The following NFAT5 variants were observed in gnomAD, a reference collection of about 807,000 sequenced individuals.
The protein encoded by NFAT5 is nuclear factor of activated T cells 5.
A neutral mutation model predicts 166.5 loss-of-function variants in NFAT5; 31 were observed. The observed-to-expected ratio is 0.19, with a 90% CI of 0.14 to 0.25. NFAT5 has a LOEUF of 0.25. NFAT5 is among the 10% of genes least tolerant of loss of function. NFAT5 has a pLI of 1.00. For missense variants in NFAT5, 1,449 were observed against 1,821.8 expected, an observed-to-expected ratio of 0.80 and a Z score of 3.72; for synonymous variants, 612 against 639.7, an observed-to-expected ratio of 0.96 and a Z score of 0.65.
rs921959842 is a variant in NFAT5, at chr16:69,648,181, A to AAC, written c.812+596_812+597insCA. ...ACAAGAGCGAAACTCCATCTCAAAAAAAAAAAAACACCAAAAAAAAAACCG... is the reference window on the plus strand; with the variant it reads ...ACAAGAGCGAAACTCCATCTCAAAAAACAAAAAAAACACCAAAAAAAAAACCG... On this transcript the variant is annotated intron_variant, in intron 4 of 14. Transcript: ENST00000349945. 7.1e-6 allele frequency: 7 copies of AAC among 982,684 alleles called. No individual in the cohort carries two copies. The African/African-American group carries it at 1.2e-4, about 17-fold the overall frequency. The allele number at this position is 982,684 out of a possible 1,614,324, so 60.9% of individuals were successfully genotyped here.
At chr16:69,582,120 C>A (rs1185104247) in intron 2 of NFAT5, among the ~76,000 whole-genome samples, 1 of 151,976 alleles carries the variant, frequency 6.6e-6, no homozygotes, top group African/African-American at 2.4e-5. Context: ...TAAAAATTAG[C>A]CAGGTGTGGT....
chr16:69,626,745 C>G (rs993596334), intron 3 of NFAT5, among the ~76,000 whole-genome samples: 3 of 152,062 alleles, frequency 2.0e-5, no homozygotes, highest in Non-Finnish European at 2.9e-5. Flanking sequence ...TCTATAAATG[C>G]CATTTCCTAA....
intron 10 of NFAT5, among the ~76,000 whole-genome samples, chr16:69,682,589 A>T (rs1462110582): frequency 6.6e-6 from 1 of 152,192 alleles, no homozygotes; most frequent in Non-Finnish European, 1.5e-5. Flanking sequence ...AATGTACTCC[A>T]GCCTGGACAA....
At chr16:69,662,450 C>CTTTTTTTTT (rs539200298) in intron 7 of NFAT5, among the ~76,000 whole-genome samples, 3 of 96,996 alleles carry the variant, frequency 3.1e-5, no homozygotes, top group Non-Finnish European at 4.0e-5. Flanking sequence ...ACACCTCTTT[C>CTTTTTTTTT]TTTTTTTTTT....
Position 69,648,371 on chromosome 16 carries a change from G to A in NFAT5, c.812+785G>A, listed in dbSNP as rs369643277. 9 of 981,852 alleles carry A rather than the reference G, an allele frequency of 9.2e-6. No homozygotes were observed. The African/African-American group carries it at 1.4e-4, about 15-fold the overall frequency. The allele number at this position is 981,852 out of a possible 1,614,324, so 60.8% of individuals were successfully genotyped here. On this transcript the variant is annotated intron_variant, in intron 4 of 14. Transcript: ENST00000349945. Reference sequence around the variant, plus strand: ...AAAACAAGAAAAAACTAAATTGAGAGTTTGATTCTCATCATTTAGATTCAT... The same window carrying A: ...AAAACAAGAAAAAACTAAATTGAGAATTTGATTCTCATCATTTAGATTCAT...
At chr16:69,664,487 G>A (rs1027786683) in intron 7 of NFAT5, among the ~76,000 whole-genome samples, 2 of 151,840 alleles carry the variant, frequency 1.3e-5, no homozygotes, top group African/African-American at 2.4e-5. Context: ...GGGTTTCACC[G>A]TGTTAGCCAG....
At chr16:69,681,680 G>C (rs1294017795) in intron 10 of NFAT5, among the ~76,000 whole-genome samples, 1 of 152,168 alleles carries the variant, frequency 6.6e-6, no homozygotes, top group Non-Finnish European at 1.5e-5. Context: ...CACTTTGGGA[G>C]GCCGAGGTGG....
At chr16:69,615,608 G>C (rs2033907181) in intron 2 of NFAT5, among the ~76,000 whole-genome samples, 1 of 152,002 alleles carries the variant, frequency 6.6e-6, no homozygotes, top group African/African-American at 2.4e-5. Flanking sequence ...TTTTCTATCT[G>C]TACATATTGA....
At chr16:69,578,333 A>G (rs1181307697) in intron 2 of NFAT5, among the ~76,000 whole-genome samples, 2 of 152,232 alleles carry the variant, frequency 1.3e-5, no homozygotes, top group Non-Finnish European at 2.9e-5. Flanking sequence ...CTTACAAGTG[A>G]GTACTATCTT....
intron 2 of NFAT5, among the ~76,000 whole-genome samples, chr16:69,618,219 T>A (rs918471443): frequency 1.3e-5 from 2 of 151,854 alleles, no homozygotes; most frequent in African/African-American, 4.8e-5. Context: ...CAAATTGATA[T>A]AATTTATACT....
chr16:69,647,917 A>G lies in NFAT5; in HGVS notation c.812+331A>G, dbSNP rs552149798. ...CCAGGTGCGGTGGCTCACACCTGTA[A>G]TCCCAGCACTTTGGGAGGCCGAGGC... is the stretch of plus-strand genomic sequence containing the variant. On this transcript the variant is annotated intron_variant, in intron 4 of 14. Transcript: ENST00000349945. This position sits in a 1 kb window ranked among gnomAD's most constrained non-coding sequence, Gnocchi z 4.8. 6.6e-6 allele frequency among the ~76,000 whole-genome samples: 1 copy of G among 152,240 alleles called. No homozygotes were observed. The highest frequency in any genetic ancestry group is 1.9e-4 in the East Asian group (1 of 5,188).
At chr16:69,688,088 C>T (rs1006856536) in intron 11 of NFAT5, among the ~76,000 whole-genome samples, 5 of 149,266 alleles carry the variant, frequency 3.3e-5, no homozygotes, top group East Asian at 4.0e-4. Flanking sequence ...CCCAGCTACT[C>T]GGGAGGCTGA....
intron 9 of NFAT5, among the ~76,000 whole-genome samples, chr16:69,674,042 C>T (rs2036731731): frequency 6.6e-6 from 1 of 151,576 alleles, no homozygotes; most frequent in Non-Finnish European, 1.5e-5. Flanking sequence ...CAGGAGTTCG[C>T]GACCAGCCTA....
intron 2 of NFAT5, among the ~76,000 whole-genome samples, chr16:69,609,353 C>T (rs1005665166): frequency 6.6e-6 from 1 of 152,100 alleles, no homozygotes; most frequent in African/African-American, 2.4e-5. Flanking sequence ...GATCTTATTC[C>T]CTGTAAACCC....
At chr16:69,678,929 A>G (rs1462114937) in intron 10 of NFAT5, among the ~76,000 whole-genome samples, 1 of 152,096 alleles carries the variant, frequency 6.6e-6, no homozygotes, top group African/African-American at 2.4e-5. Context: ...TCTATTCACT[A>G]TTCTCTTTTC....
chr16:69,633,232 C>T (rs1347697491), intron 3 of NFAT5, among the ~76,000 whole-genome samples: 4 of 152,062 alleles, frequency 2.6e-5, no homozygotes, highest in Admixed American at 2.6e-4. Context: ...AATAAATAAG[C>T]ATATTTTTAT....
chr16:69,646,788 G>A (rs2035455209), intron 3 of NFAT5, among the ~76,000 whole-genome samples: 1 of 152,162 alleles, frequency 6.6e-6, no homozygotes. Flanking sequence ...AACGTTAAAT[G>A]AGATTTTAAA....
intron 7 of NFAT5, among the ~76,000 whole-genome samples, chr16:69,667,494 TAAAA>T (rs57015431): frequency 1.6e-5 from 2 of 125,934 alleles, no homozygotes; most frequent in East Asian, 2.2e-4. Context: ...TTGCAGAAAC[TAAAA>T]AAAAAAAAAA....
rs768435664 is a variant in NFAT5, at chr16:69,653,381, C to T, written c.958C>T (p.Arg320Cys). The T allele has an allele frequency of 6.2e-7, 1 of 1,605,504 alleles. No individual in the cohort carries two copies. Among genetic ancestry groups the T allele is most frequent in the Non-Finnish European group, 8.5e-7 (1 of 1,177,888 alleles). Residue 320 changes from arginine (R) to cysteine (C), a missense_variant, in exon 5 of 15, where the codon CGT (arginine) becomes TGT (cysteine). Arg to Cys is a radical substitution (Grantham distance 180). Coordinates refer to ENST00000349945, the MANE Select transcript of NFAT5 (RefSeq NM_138713.4). ...AGCTCGGTACCTGACTGAGGGCAGC[C>T]GTGGCTCAGTGAAAGATAGAACACA... is the stretch of plus-strand genomic sequence containing the variant. ...HRARYLTEGS[R>C]GSVKDRTQQG...
Sources: gnomAD v4.1 joint callset for allele counts (sites outside exome capture counted in the v4.1 genomes callset) on GRCh38, gnomAD v4.1.1 for gene constraint, Gnocchi (gnomAD v3.1) non-coding constraint, MANE v1.5 for transcripts, NCBI Gene and HGNC (gene_info 2026-07-23, HGNC 2026-07-21) for gene names.